Variants in HMCN2 observed in about 807,000 individuals in gnomAD.
The protein encoded by HMCN2 is hemicentin 2.
HMCN2 carries 325 observed loss-of-function variants against 377.5 expected under a neutral mutation model. That is an observed-to-expected ratio of 0.86 (90% confidence interval 0.79 to 0.94). The LOEUF (loss-of-function observed/expected upper bound fraction) is 0.94, where lower values mean the gene tolerates loss of function less well. Ranked by LOEUF, HMCN2 falls within the 40% of genes least tolerant of loss-of-function variation. HMCN2 has a pLI of 0.00. For missense variants in HMCN2, 4,543 were observed against 4,725.3 expected, an observed-to-expected ratio of 0.96 and a Z score of 1.13; for synonymous variants, 2,007 against 2,046.8, an observed-to-expected ratio of 0.98 and a Z score of 0.53.
chr9:130,386,252 G>C (rs35565324), intron 60 of HMCN2, among the ~76,000 whole-genome samples, 191 bp from the exon 61 acceptor site: 1 of 152,126 alleles, frequency 6.6e-6, no homozygotes, highest in East Asian at 1.9e-4. Flanking sequence ...TCACTGTTGA[G>C]GGGCCCTTCT....
chr9:130,360,549 T>A lies in HMCN2; in HGVS notation c.5895T>A (p.Cys1965Ter). The change falls in exon 38 of 98, where the codon TGT (cysteine) becomes TGA (stop). Residue 1965 changes from cysteine (C) to a stop codon, truncating the protein, a stop_gained. Transcript: ENST00000683500. LOFTEE classifies it high-confidence loss of function. The surrounding 1 kb of genome is among the most constrained non-coding windows in gnomAD (Gnocchi z 4.7). ...AQLSDAGSYR[C>*]VASNVAGSTE... ...TTTCTGATGCTGGGAGCTACCGCTG[T>A]GTGGCATCCAATGTGGCAGGTAGCA... The A allele has an allele frequency of 1.5e-6, 2 of 1,304,260 alleles. No homozygotes were observed. Among genetic ancestry groups the A allele is most frequent in the Non-Finnish European group, 2.0e-6 (2 of 988,920 alleles). 80.8% of individuals were successfully genotyped at this position (1,304,260 alleles called of 1,614,324 possible). A position where few individuals can be genotyped will look rare whatever the true frequency, so the allele number is the denominator to read the frequency against.
rs1835403788 is a variant in HMCN2 at position 130,286,210 on chromosome 9, A to G, written c.512A>G (p.Asp171Gly). 1 of 470,734 alleles carries G rather than the reference A, an allele frequency of 2.1e-6. No homozygotes were observed. The allele number at this position is 470,734 out of a possible 1,614,324, so 29.2% of individuals were successfully genotyped here. A position where few individuals can be genotyped will look rare whatever the true frequency, so the allele number is the denominator to read the frequency against. Residue 171 changes from aspartate to glycine, a missense_variant, in exon 4 of 98, where the codon GAC becomes GGC. Around this residue, in one of 5 missense-constraint regions of HMCN2, gnomAD observed 547 missense variants for 189.9 expected, o/e 2.88. Transcript: ENST00000683500. ...CAGGTGGTCTTTGTGCTGACGGGGG[A>G]CTGTGGCGACCGCACCCATCCTGGC... ...QSQVVFVLTG[D>G]CGDRTHPGYL...
chr9:130,272,275 T>C (rs1554921395), intron 1 of HMCN2, among the ~76,000 whole-genome samples: 1 of 148,980 alleles, frequency 6.7e-6, no homozygotes, highest in African/African-American at 2.4e-5. Flanking sequence ...GAATCTCACC[T>C]TGTCTCCCAG....
intron 48 of HMCN2, among the ~76,000 whole-genome samples, chr9:130,374,060 G>A (rs1480626504): frequency 6.6e-6 from 1 of 151,584 alleles, no homozygotes; most frequent in African/African-American, 2.4e-5. Flanking sequence ...GGATAGTTGG[G>A]TAGGTAGATG....
Position 130,412,567 on chromosome 9 carries a change from C to CTTTTT in HMCN2, c.12961+1924_12961+1928dup, listed in dbSNP as rs55873444. ...CTTTTCTTTTCTTTTCTTTCTTTCT[C>CTTTTT]TTTTTTTTTTTTTGTTTTAATATTT... On this transcript the variant is annotated intron_variant, in intron 85 of 97. Coordinates refer to ENST00000683500, the MANE Select transcript of HMCN2 (RefSeq NM_001291815.2). Among the ~76,000 whole-genome samples the CTTTTT allele has an allele frequency of 9.9e-3, 1,331 of 134,478 alleles. 15 individuals are homozygous for CTTTTT. Among genetic ancestry groups the CTTTTT allele is most frequent in the African/African-American group, 0.012 (437 of 36,474 alleles). The allele number at this position is 134,478 out of a possible 152,430, so 88.2% of individuals were successfully genotyped here.
chr9:130,433,607 C>T lies in HMCN2; in HGVS notation c.15154C>T (p.Leu5052Phe). 3.3e-6 allele frequency: 5 copies of T among 1,517,048 alleles called. No homozygotes were observed. Among genetic ancestry groups the T allele is most frequent in the Non-Finnish European group, 3.5e-6 (4 of 1,133,704 alleles). 94.0% of individuals were successfully genotyped at this position (1,517,048 alleles called of 1,614,324 possible). Reference protein sequence around the residue: ...YTRRALTRAGLYRLTVRAAAP... With the variant: ...YTRRALTRAGFYRLTVRAAAP... Reference sequence around the variant, plus strand: ...CCGTCGCGCGCTCACCCGCGCCGGCCTCTACCGGCTCACCGTGCGTGCTGC... The same window carrying T: ...CCGTCGCGCGCTCACCCGCGCCGGCTTCTACCGGCTCACCGTGCGTGCTGC... Residue 5052 changes from leucine (L) to phenylalanine (F), a missense_variant, in exon 98 of 98, where the codon CTC becomes TTC. Physicochemically the swap from Leu to Phe is conservative, Grantham distance 22. This residue lies in a region of HMCN2 where 1,155 missense variants were observed against 1,157.7 expected (regional missense o/e 1.00). Coordinates refer to ENST00000683500, the MANE Select transcript of HMCN2 (RefSeq NM_001291815.2).
rs1842592743 is a variant in HMCN2 at position 130,396,062 on chromosome 9, C to T, written c.11050C>T (p.His3684Tyr). 9 of 1,281,812 alleles carry T rather than the reference C, an allele frequency of 7.0e-6. No individual in the cohort carries two copies. The highest frequency in any genetic ancestry group is 9.1e-6 in the Non-Finnish European group (9 of 985,160). The allele number at this position is 1,281,812 out of a possible 1,614,324, so 79.4% of individuals were successfully genotyped here. A position where few individuals can be genotyped will look rare whatever the true frequency, so the allele number is the denominator to read the frequency against. ...STSVAFRVEI[H>Y]TVPTIRSGPP... ...TAGTGTCGCCTTCCGCGTGGAGATC[C>T]ACAGTGAGTAGGGCCCGCCCCACCC... Residue 3684 changes from histidine (H) to tyrosine (Y), a missense_variant, in exon 72 of 98, where the codon CAC (histidine) becomes TAC (tyrosine). Transcript: ENST00000683500.
At chr9:130,364,129 G>A (rs1840560497) in intron 40 of HMCN2, among the ~76,000 whole-genome samples, 1 of 152,194 alleles carries the variant, frequency 6.6e-6, no homozygotes, top group Admixed American at 6.5e-5. Flanking sequence ...ATGCCCAAGA[G>A]CCCCACCTGT....
At chr9:130,345,082 G>A (rs1839294032) in intron 25 of HMCN2, among the ~76,000 whole-genome samples, 1 of 150,954 alleles carries the variant, frequency 6.6e-6, no homozygotes, top group African/African-American at 2.4e-5. Context: ...GTAGTGTGTA[G>A]TGCATGGTGT....
chr9:130,342,196 C>G (rs937892976), intron 24 of HMCN2, among the ~76,000 whole-genome samples, 154 bp from the exon 25 acceptor site: 1 of 152,042 alleles, frequency 6.6e-6, no homozygotes, highest in Non-Finnish European at 1.5e-5. Flanking sequence ...TGAGCCAGTA[C>G]CCCTGGCCCT....
intron 22 of HMCN2, among the ~76,000 whole-genome samples, chr9:130,336,089 A>G (rs1014683995): frequency 1.3e-5 from 2 of 152,130 alleles, no homozygotes; most frequent in Admixed American, 1.3e-4. Flanking sequence ...TGAGACACAT[A>G]GAGCAGTGAG....
chr9:130,300,989 A>G (rs568452659), intron 8 of HMCN2, among the ~76,000 whole-genome samples: 16 of 152,322 alleles, frequency 1.1e-4, no homozygotes, highest in African/African-American at 3.6e-4. Context: ...TGTCATTAAC[A>G]TTCTAGTACT....
intron 85 of HMCN2, among the ~76,000 whole-genome samples, chr9:130,413,915 G>A: frequency 6.6e-6 from 1 of 151,418 alleles, no homozygotes; most frequent in East Asian, 1.9e-4. Flanking sequence ...GGAGACTGAG[G>A]CAGCCAGATC....
intron 5 of HMCN2, 85 bp downstream of exon 5, chr9:130,295,111 G>GC: frequency 3.0e-6 from 1 of 330,602 alleles, no homozygotes; most frequent in Non-Finnish European, 6.3e-6. Flanking sequence ...GAGACCAAGG[G>GC]TGACAGGGCT....
intron 1 of HMCN2, among the ~76,000 whole-genome samples, chr9:130,281,291 C>T (rs910700064): frequency 4.6e-5 from 7 of 152,024 alleles, no homozygotes; most frequent in Admixed American, 3.3e-4. Context: ...GGACAAGTTA[C>T]GTCTCTGGGC....
intron 90 of HMCN2, 49 bp downstream of exon 90, chr9:130,425,973 G>T (rs776412716): frequency 9.4e-6 from 13 of 1,377,396 alleles, no homozygotes; most frequent in Non-Finnish European, 1.3e-5. Flanking sequence ...GCTAAAACCT[G>T]CCAGGGGGCC....
rs746823387 is a variant in HMCN2, at chr9:130,427,504, C to G, written c.13950C>G (p.Asp4650Glu). Residue 4650 changes from aspartate to glutamate, a missense_variant, in exon 92 of 98, where the codon GAC becomes GAG. By Grantham distance (45) the Asp-to-Glu change is conservative. This residue lies in a region of HMCN2 where 1,155 missense variants were observed against 1,157.7 expected (regional missense o/e 1.00). Coordinates refer to ENST00000683500, the MANE Select transcript of HMCN2 (RefSeq NM_001291815.2). Reference sequence around the variant, plus strand: ...GACCCCTTCCTGCCCCAGACAGGGACGAGTGCTCAGGAGGCCCTAGCCCCT... The same window carrying G: ...GACCCCTTCCTGCCCCAGACAGGGAGGAGTGCTCAGGAGGCCCTAGCCCCT... ...DSQGAFCVDR[D>E]ECSGGPSPCS... The G allele has an allele frequency of 2.6e-6, 4 of 1,550,400 alleles. No individual in the cohort carries two copies. Among genetic ancestry groups the G allele is most frequent in the Non-Finnish European group, 3.5e-6 (4 of 1,146,918 alleles).
rs1836990045 is a variant in HMCN2, at chr9:130,308,103, T to C, written c.2200+537T>C. 6.6e-6 allele frequency among the ~76,000 whole-genome samples: 1 copy of C among 151,980 alleles called. No homozygotes were observed. Among genetic ancestry groups the C allele is most frequent in the Non-Finnish European group, 1.5e-5 (1 of 67,994 alleles). On this transcript the variant is annotated intron_variant, in intron 14 of 97. Coordinates refer to ENST00000683500, the MANE Select transcript of HMCN2 (RefSeq NM_001291815.2). The surrounding 1 kb of genome is among the most constrained non-coding windows in gnomAD (Gnocchi z 4.1). ...TCTGGAGTAGCTGGAATTATAGGCG[T>C]GTACCACCAGGCCTGGCTCATTTTT...
intron 25 of HMCN2, among the ~76,000 whole-genome samples, chr9:130,345,780 G>A (rs987285581): frequency 6.6e-5 from 10 of 151,978 alleles, no homozygotes; most frequent in African/African-American, 1.7e-4. Context: ...CACCCAGAGC[G>A]TGGGTGGACA....
Sources: allele counts gnomAD v4.1 joint callset (sites outside exome capture counted in the v4.1 genomes callset), GRCh38; gene constraint gnomAD v4.1.1; regional missense constraint gnomAD v4.1.1; non-coding constraint Gnocchi (gnomAD v3.1); transcripts MANE v1.5; gene names NCBI Gene and HGNC (gene_info 2026-07-23, HGNC 2026-07-21).